The following SNTB1 variants were observed in gnomAD, a reference collection of about 807,000 sequenced individuals.
SNTB1 encodes the protein syntrophin beta 1.
A neutral mutation model predicts 48.9 loss-of-function variants in SNTB1; 36 were observed. That is an observed-to-expected ratio of 0.74 (90% CI 0.56 to 0.97). SNTB1 has a LOEUF of 0.97. SNTB1 is among the 50% of genes least tolerant of loss of function. The probability of loss-of-function intolerance (pLI) is 0.00; values close to 1 mark genes in which losing one functional copy is unlikely to be tolerated. For missense variants in SNTB1, 786 were observed against 703.4 expected, an observed-to-expected ratio of 1.12 and a Z score of -1.33; for synonymous variants, 299 against 294.6, an observed-to-expected ratio of 1.01 and a Z score of -0.15.
At chr8:120,575,264 A>T (rs368596205) in intron 3 of SNTB1, 39 bp from the exon 4 acceptor site, 1 of 1,613,526 alleles carries the variant, frequency 6.2e-7, no homozygotes, top group Non-Finnish European at 8.5e-7. Context: ...TGACAGCCTG[A>T]GGAAAGGATG....
chr8:120,658,549 T>C (rs778793765), intron 2 of SNTB1, among the ~76,000 whole-genome samples: 3 of 152,226 alleles, frequency 2.0e-5, no homozygotes, highest in Non-Finnish European at 4.4e-5. Flanking sequence ...TCCCAGTGCA[T>C]GTAAGAGTTA....
intron 2 of SNTB1, among the ~76,000 whole-genome samples, chr8:120,681,726 G>C (rs1817934173): frequency 1.3e-5 from 2 of 152,062 alleles, no homozygotes; most frequent in South Asian, 4.2e-4. Flanking sequence ...GTAAGGCTTG[G>C]TTCACCAAGC....
intron 2 of SNTB1, among the ~76,000 whole-genome samples, chr8:120,680,362 AAG>A (rs1387325100): frequency 1.3e-5 from 2 of 152,220 alleles, no homozygotes; most frequent in Non-Finnish European, 2.9e-5. Flanking sequence ...ATCTATTGAA[AAG>A]TTGAAATTTA....
At chr8:120,605,984 G>A (rs1349405772) in intron 3 of SNTB1, among the ~76,000 whole-genome samples, 2 of 151,950 alleles carry the variant, frequency 1.3e-5, no homozygotes, top group African/African-American at 2.4e-5. Context: ...ATTAGATTTC[G>A]CCCCTACTCG....
chr8:120,632,249 G>A (rs1356750821), intron 3 of SNTB1, among the ~76,000 whole-genome samples, 195 bp downstream of exon 3: 1 of 152,154 alleles, frequency 6.6e-6, no homozygotes, highest in African/African-American at 2.4e-5. Flanking sequence ...GTTTGACTAA[G>A]TGCAGGTAAT....
chr8:120,711,318 T>TA (rs1818460465), intron 1 of SNTB1, among the ~76,000 whole-genome samples: 3 of 135,358 alleles, frequency 2.2e-5, no homozygotes, highest in Non-Finnish European at 3.1e-5. Flanking sequence ...TTACATAATT[T>TA]AAAAAATCAT....
chr8:120,582,823 C>A (rs1816071651), intron 3 of SNTB1, among the ~76,000 whole-genome samples: 1 of 152,162 alleles, frequency 6.6e-6, no homozygotes, highest in African/African-American at 2.4e-5. Context: ...GGGCTTAAAA[C>A]CTAGATAATG....
At chr8:120,728,917 A>T (rs962564453) in intron 1 of SNTB1, among the ~76,000 whole-genome samples, 1 of 151,918 alleles carries the variant, frequency 6.6e-6, no homozygotes, top group Non-Finnish European at 1.5e-5. Flanking sequence ...ACTAATTTAC[A>T]TTCCCACAAA....
chr8:120,547,348 C>A (rs1259330641), intron 5 of SNTB1, among the ~76,000 whole-genome samples: 6 of 152,228 alleles, frequency 3.9e-5, no homozygotes, highest in African/African-American at 1.4e-4. Flanking sequence ...GTAATCCCAG[C>A]ACTTTGGGAA....
chr8:120,674,344 C>T (rs1461172287), intron 2 of SNTB1, among the ~76,000 whole-genome samples: 1 of 152,166 alleles, frequency 6.6e-6, no homozygotes, highest in South Asian at 2.1e-4. Flanking sequence ...CTACTCTGAG[C>T]CAGTCACTGG....
chr8:120,771,148 G>A (rs537204217), intron 1 of SNTB1, among the ~76,000 whole-genome samples: 2 of 152,196 alleles, frequency 1.3e-5, no homozygotes, highest in African/African-American at 4.8e-5. Context: ...ACTAGCAGCT[G>A]TGTATCCCCA....
intron 1 of SNTB1, among the ~76,000 whole-genome samples, chr8:120,740,911 G>A (rs1244969416): frequency 1.3e-5 from 2 of 152,178 alleles, no homozygotes; most frequent in African/African-American, 4.8e-5. Context: ...TGGTTACAAT[G>A]ATGACAGCCA....
chr8:120,714,152 T>C (rs1818515158), intron 1 of SNTB1, among the ~76,000 whole-genome samples: 2 of 152,360 alleles, frequency 1.3e-5, no homozygotes, highest in South Asian at 4.1e-4. Flanking sequence ...CAGACCAGAA[T>C]TTATTTTTCT....
rs1239856478 is a variant in SNTB1, at chr8:120,693,850, A to C, written c.630T>G (p.Ile210Met). 1.2e-6 allele frequency: 2 copies of C among 1,613,988 alleles called. No individual in the cohort carries two copies. The highest frequency in any genetic ancestry group is 2.7e-5 in the African/African-American group (2 of 74,910). ...YVKKGSPVSEIGWETPPPESP... is the reference protein window; with the variant it reads ...YVKKGSPVSEMGWETPPPESP... Reference sequence around the variant, plus strand: ...ATTCAGGCGGAGGTGTTTCCCACCCAATCTCGGATACTGGGGATCCTTTCT... The same window carrying C: ...ATTCAGGCGGAGGTGTTTCCCACCCCATCTCGGATACTGGGGATCCTTTCT... The change falls in exon 2 of 7, where the codon ATT becomes ATG. Residue 210 changes from isoleucine (I) to methionine (M), a missense_variant. Coordinates refer to ENST00000517992, the MANE Select transcript of SNTB1 (RefSeq NM_021021.4).
intron 5 of SNTB1, among the ~76,000 whole-genome samples, chr8:120,546,303 G>A (rs1181890617): frequency 6.6e-6 from 1 of 152,140 alleles, no homozygotes; most frequent in East Asian, 1.9e-4. Context: ...TAGATTTCAG[G>A]ATCAAGAACA....
chr8:120,766,474 A>C (rs1235021252), intron 1 of SNTB1, among the ~76,000 whole-genome samples: 1 of 152,138 alleles, frequency 6.6e-6, no homozygotes, highest in Non-Finnish European at 1.5e-5. Flanking sequence ...TTGATTATAC[A>C]TTTATAATCA....
chr8:120,753,995 A>G (rs752337332), intron 1 of SNTB1, among the ~76,000 whole-genome samples: 2 of 152,194 alleles, frequency 1.3e-5, no homozygotes, highest in Non-Finnish European at 2.9e-5. Flanking sequence ...TAAATTTGGG[A>G]GTATGATGCC....
intron 1 of SNTB1, among the ~76,000 whole-genome samples, chr8:120,728,171 G>T (rs1818792709): frequency 6.6e-6 from 1 of 151,950 alleles, no homozygotes; most frequent in Non-Finnish European, 1.5e-5. Context: ...GACTACAGGG[G>T]TGTATTTTTG....
intron 4 of SNTB1, among the ~76,000 whole-genome samples, chr8:120,564,331 C>A (rs990930257): frequency 6.6e-6 from 1 of 151,842 alleles, no homozygotes; most frequent in Non-Finnish European, 1.5e-5. Flanking sequence ...CCTCCATGCA[C>A]GCAGAAAGTA....
Sources: allele counts gnomAD v4.1 joint callset (sites outside exome capture counted in the v4.1 genomes callset), GRCh38; gene constraint gnomAD v4.1.1; transcripts MANE v1.5; gene names NCBI Gene and HGNC (gene_info 2026-07-23, HGNC 2026-07-21).